Variants in SF3B1 observed in about 807,000 individuals in gnomAD.
The protein encoded by SF3B1 is splicing factor 3b subunit 1.
SF3B1 carries 12 observed loss-of-function variants against 153.8 expected under a neutral mutation model. The observed-to-expected ratio is 0.08, with a 90% confidence interval of 0.05 to 0.13. The LOEUF (loss-of-function observed/expected upper bound fraction) is 0.13. Ranked by LOEUF, SF3B1 falls within the 10% of genes least tolerant of loss-of-function variation. SF3B1 has a pLI of 1.00. For missense variants in SF3B1, 513 were observed against 1,606.1 expected, an observed-to-expected ratio of 0.32 and a Z score of 11.63; for synonymous variants, 498 against 525.2, an observed-to-expected ratio of 0.95 and a Z score of 0.71.
At chr2:197,408,304 C>A in intron 8 of SF3B1, 65 bp downstream of exon 8, 2 of 1,503,994 alleles carry the variant, frequency 1.3e-6, no homozygotes, top group Middle Eastern at 1.8e-4. Context: ...CACAGAATAC[C>A]ACAAAGGAAA....
rs2084812879 is a variant in SF3B1, at chr2:197,391,829, C to T, written c.*474G>A. 6.2e-6 allele frequency: 1 copy of T among 160,020 alleles called. No individual in the cohort carries two copies. The highest frequency in any genetic ancestry group is 6.5e-5 in the Admixed American group (1 of 15,452). 9.9% of individuals were successfully genotyped at this position (160,020 alleles called of 1,614,324 possible). A position where few individuals can be genotyped will look rare whatever the true frequency, so the allele number is the denominator to read the frequency against. On this transcript the variant is annotated 3_prime_UTR_variant, in exon 25 of 25. Coordinates refer to ENST00000335508, the MANE Select transcript of SF3B1 (RefSeq NM_012433.4). ...CAACAATGGAATTTTGACAAAGATG[C>T]CATCACTTTATATAGTTTTTATTCA...
rs1445165654 is a variant in SF3B1 at position 197,401,079 on chromosome 2, T to C, written c.2497-143A>G. 4.7e-6 allele frequency: 3 copies of C among 636,518 alleles called. No homozygotes were observed. The highest frequency in any genetic ancestry group is 8.1e-6 in the Non-Finnish European group (3 of 372,088). 39.4% of individuals were successfully genotyped at this position (636,518 alleles called of 1,614,324 possible). A position where few individuals can be genotyped will look rare whatever the true frequency, so the allele number is the denominator to read the frequency against. On this transcript the variant is annotated intron_variant, in intron 17 of 24. Coordinates refer to ENST00000335508, the MANE Select transcript of SF3B1 (RefSeq NM_012433.4). This position sits in a 1 kb window ranked among gnomAD's most constrained non-coding sequence, Gnocchi z 4.2. The stretch of plus-strand genomic sequence containing the variant: ...AATGATTCATTGCTACTTATTAAAG[T>C]TGAAGAGAAAAGTGACCAAACATCG...
Position 197,434,988 on chromosome 2 carries a change from G to C in SF3B1, c.12C>G (p.Ile4Met). MAK[I>M]AKTHEDIEAQ... The stretch of plus-strand genomic sequence containing the variant: ...ACCGCTTACCTTCGTGAGTCTTGGC[G>C]ATCTTCGCCATTTTGTCCACTCGAA... Residue 4 changes from isoleucine (I) to methionine (M), a missense_variant, in exon 1 of 25, where the codon ATC becomes ATG. Physicochemically the swap from Ile to Met is conservative, Grantham distance 10. Around this residue, in one of 21 missense-constraint regions of SF3B1, gnomAD observed 27 missense variants for 26.7 expected, o/e 1.01. Coordinates refer to ENST00000335508, the MANE Select transcript of SF3B1 (RefSeq NM_012433.4). 1 of 1,614,256 alleles carries C rather than the reference G, an allele frequency of 6.2e-7. No individual in the cohort carries two copies. Among genetic ancestry groups the C allele is most frequent in the Non-Finnish European group, 8.5e-7 (1 of 1,180,026 alleles).
chr2:197,417,575 T>TAAAAA (rs56204414), intron 5 of SF3B1, among the ~76,000 whole-genome samples: 4 of 99,804 alleles, frequency 4.0e-5, no homozygotes, highest in South Asian at 3.4e-4. Context: ...CCACCTCTAC[T>TAAAAA]AAAAAAAAAA....
At chr2:197,395,277 A>G (rs2084863404) in intron 23 of SF3B1, among the ~76,000 whole-genome samples, 1 of 152,186 alleles carries the variant, frequency 6.6e-6, no homozygotes, top group Non-Finnish European at 1.5e-5. Flanking sequence ...TACAGAGCAC[A>G]ATTCTTACTT....
intron 1 of SF3B1, among the ~76,000 whole-genome samples, chr2:197,426,627 C>T (rs972752539): frequency 6.6e-6 from 1 of 152,128 alleles, no homozygotes; most frequent in African/African-American, 2.4e-5. Context: ...AGTATAAGGA[C>T]CACCTACAAA....
At chr2:197,432,257 T>C (rs544001040) in intron 1 of SF3B1, among the ~76,000 whole-genome samples, 38 of 152,246 alleles carry the variant, frequency 2.5e-4, no homozygotes, top group Non-Finnish European at 5.1e-4. Flanking sequence ...AAAAATCTAA[T>C]TCAAAGGATT....
At chr2:197,395,818 T>C (rs868008143) in intron 23 of SF3B1, among the ~76,000 whole-genome samples, 70 of 152,288 alleles carry the variant, frequency 4.6e-4, no homozygotes, top group Admixed American at 7.8e-4. Context: ...TTTAATTCAA[T>C]AGATAAGAAA....
chr2:197,434,635 G>A (rs1415455062), intron 1 of SF3B1, among the ~76,000 whole-genome samples: 2 of 152,160 alleles, frequency 1.3e-5, no homozygotes, highest in Non-Finnish European at 2.9e-5. Flanking sequence ...GTCGAGAGGC[G>A]AGTGAGACCT....
chr2:197,435,053 T>G, upstream of SF3B1: 1 of 1,613,802 alleles, frequency 6.2e-7, no homozygotes, highest in Non-Finnish European at 8.5e-7. Context: ...CTTCCGCTCG[T>G]CGCCGCCGCC....
chr2:197,402,286 G>T lies in SF3B1; in HGVS notation c.2078-156C>A. The T allele has an allele frequency of 1.2e-6, 1 of 808,792 alleles. No homozygotes were observed. Among genetic ancestry groups the T allele is most frequent in the Non-Finnish European group, 1.9e-6 (1 of 522,890 alleles). 50.1% of individuals were successfully genotyped at this position (808,792 alleles called of 1,614,324 possible). A position where few individuals can be genotyped will look rare whatever the true frequency, so the allele number is the denominator to read the frequency against. On this transcript the variant is annotated intron_variant, in intron 14 of 24. Transcript: ENST00000335508. The surrounding 1 kb of genome is among the most constrained non-coding windows in gnomAD (Gnocchi z 4.6). ...AAAAGCAAAACATGAACCATAGCCT[G>T]TCAGCAGATAATATAACAAACCCAT...
At position 197,421,243 on chromosome 2, in the gene SF3B1, G is replaced by A. The variant is rs2085237286; in HGVS notation, c.196-110C>T. 15 of 641,096 alleles carry A rather than the reference G, an allele frequency of 2.3e-5. No individual in the cohort carries two copies. In the South Asian group the frequency reaches 3.0e-4, roughly 13 times the overall value. 39.7% of individuals were successfully genotyped at this position (641,096 alleles called of 1,614,324 possible). A position where few individuals can be genotyped will look rare whatever the true frequency, so the allele number is the denominator to read the frequency against. On this transcript the variant is annotated intron_variant, in intron 2 of 24. Coordinates refer to ENST00000335508, the MANE Select transcript of SF3B1 (RefSeq NM_012433.4). ...TCAAAAGATCTATTGACAGTGTGAT[G>A]TCTAAGCCCTCCTTCATAAAACTTA...
chr2:197,408,952 T>C (rs968193008), intron 7 of SF3B1, among the ~76,000 whole-genome samples: 1 of 152,116 alleles, frequency 6.6e-6, no homozygotes, highest in African/African-American at 2.4e-5. Context: ...GTAAATTTGA[T>C]GTTATGTACA....
At position 197,390,137 on chromosome 2, in the gene SF3B1, A is replaced by G. The variant is rs961443456; in HGVS notation, c.*2166T>C. 4.6e-5 allele frequency: 7 copies of G among 152,142 alleles called. No homozygotes were observed. Among genetic ancestry groups the G allele is most frequent in the African/African-American group, 1.4e-4 (6 of 41,440 alleles). The allele number at this position is 152,142 out of a possible 1,614,324, so 9.4% of individuals were successfully genotyped here. On this transcript the variant is annotated 3_prime_UTR_variant, in exon 25 of 25. Coordinates refer to ENST00000335508, the MANE Select transcript of SF3B1 (RefSeq NM_012433.4). ...ATCTGTGAGCCTCTATTTGGTCCCA[A>G]TGTTTTAGGTCATAGCTTTCACTAC...
At chr2:197,430,247 T>C (rs2085406371) in intron 1 of SF3B1, among the ~76,000 whole-genome samples, 1 of 152,162 alleles carries the variant, frequency 6.6e-6, no homozygotes, top group Non-Finnish European at 1.5e-5. Context: ...ATTTTAGGTG[T>C]AATCATGGTA....
At chr2:197,414,526 GT>G (rs1214758977) in intron 6 of SF3B1, among the ~76,000 whole-genome samples, 48 of 152,184 alleles carry the variant, frequency 3.2e-4, no homozygotes, top group Admixed American at 3.1e-3. Flanking sequence ...AGAGAAAAGG[GT>G]ATGAAGAAAT....
chr2:197,425,127 T>C (rs1253027335), intron 1 of SF3B1, among the ~76,000 whole-genome samples: 1 of 151,606 alleles, frequency 6.6e-6, no homozygotes, highest in Non-Finnish European at 1.5e-5. Flanking sequence ...CACTGCACTT[T>C]AGCCTGGGCA....
chr2:197,417,271 T>A (rs139269376), intron 5 of SF3B1, among the ~76,000 whole-genome samples: 1 of 152,148 alleles, frequency 6.6e-6, no homozygotes. Context: ...TGGAACAAGA[T>A]AGAAAAATGG....
At chr2:197,423,559 A>G (rs1246778737) in intron 2 of SF3B1, among the ~76,000 whole-genome samples, 2 of 152,144 alleles carry the variant, frequency 1.3e-5, no homozygotes, top group Non-Finnish European at 2.9e-5. Flanking sequence ...CTTTACTCTT[A>G]ACTTTATAAA....
Sources: gnomAD v4.1 joint callset for allele counts (sites outside exome capture counted in the v4.1 genomes callset) on GRCh38, gnomAD v4.1.1 for gene constraint, gnomAD v4.1.1 regional missense constraint, Gnocchi (gnomAD v3.1) non-coding constraint, MANE v1.5 for transcripts, NCBI Gene and HGNC (gene_info 2026-07-23, HGNC 2026-07-21) for gene names.